The following UQCC1 variants were observed in gnomAD, a reference collection of about 807,000 sequenced individuals.
The protein encoded by UQCC1 is bFGF-repressed Zic-binding protein.
A neutral mutation model predicts 48.0 loss-of-function variants in UQCC1; 38 were observed. That is an observed-to-expected ratio of 0.79 (90% confidence interval 0.61 to 1.04). The LOEUF is 1.04. UQCC1 is among the 50% of genes least tolerant of loss of function. The pLI is 0.00. For missense variants in UQCC1, 368 were observed against 381.8 expected (o/e 0.96, Z 0.30); for synonymous variants, 111 against 129.2 (o/e 0.86, Z 0.95).
At position 35,302,763 on chromosome 20, in the gene UQCC1, A is replaced by G. The variant is rs891480753; in HGVS notation, c.*1172T>C. On this transcript the variant is annotated 3_prime_UTR_variant, in exon 10 of 10. Coordinates refer to ENST00000374385, the MANE Select transcript of UQCC1 (RefSeq NM_018244.5). ...GCTTCACTCTAGAGCTCCGCTCGCA[A>G]CAAAAGCATCTTAAATAAACTGAGA... The G allele has an allele frequency of 6.6e-6, 1 of 152,266 alleles. No individual in the cohort carries two copies. Among genetic ancestry groups the G allele is most frequent in the Non-Finnish European group, 1.5e-5 (1 of 68,042 alleles). The allele number at this position is 152,266 out of a possible 1,614,324, so 9.4% of individuals were successfully genotyped here. A position where few individuals can be genotyped will look rare whatever the true frequency, so the allele number is the denominator to read the frequency against.
At chr20:35,361,046 G>T (rs1426440088) in intron 6 of UQCC1, among the ~76,000 whole-genome samples, 1 of 152,026 alleles carries the variant, frequency 6.6e-6, no homozygotes, top group African/African-American at 2.4e-5. Context: ...GAGAGAATTG[G>T]ACTAGATCTG....
At chr20:35,309,224 G>T in intron 8 of UQCC1, 1 of 455,080 alleles carries the variant, frequency 2.2e-6, no homozygotes, top group South Asian at 1.6e-5. Context: ...CTTGAGCCCA[G>T]GAGTTCAAGA....
intron 7 of UQCC1, among the ~76,000 whole-genome samples, chr20:35,326,388 C>T (rs2061194143): frequency 6.6e-6 from 1 of 152,242 alleles, no homozygotes; most frequent in Admixed American, 6.5e-5. Context: ...GTGCCAAGCG[C>T]AGACAACCAG....
chr20:35,386,063 A>C (rs2061939090), intron 2 of UQCC1, among the ~76,000 whole-genome samples: 1 of 152,128 alleles, frequency 6.6e-6, no homozygotes, highest in Admixed American at 6.5e-5. Flanking sequence ...TGTTAACAAC[A>C]TGAAAAATGT....
At chr20:35,338,544 T>C (rs906601323) in intron 7 of UQCC1, among the ~76,000 whole-genome samples, 1 of 151,726 alleles carries the variant, frequency 6.6e-6, no homozygotes, top group Admixed American at 6.6e-5. Flanking sequence ...TAACCAGAAA[T>C]ATGTATTAGA....
At chr20:35,344,399 A>G (rs1362862148) in intron 7 of UQCC1, 3 of 152,408 alleles carry the variant, frequency 2.0e-5, no homozygotes, top group Admixed American at 6.5e-5. Context: ...TATTCAGGAT[A>G]GAGACAGCTG....
rs544010504 is a variant in UQCC1 at position 35,329,135 on chromosome 20, C to T, written c.574-14370G>A. On this transcript the variant is annotated intron_variant, in intron 7 of 9. Coordinates refer to ENST00000374385, the MANE Select transcript of UQCC1 (RefSeq NM_018244.5). ...TTCAGCACTACCCAGGCATCAAGCA[C>T]TGTTTTAGGAGCTGAGGCTACAGCA... 5.3e-5 allele frequency among the ~76,000 whole-genome samples: 8 copies of T among 152,340 alleles called. No individual in the cohort carries two copies. The South Asian group carries it at 1.4e-3, about 28-fold the overall frequency.
chr20:35,378,447 T>G (rs2061828226), intron 4 of UQCC1, among the ~76,000 whole-genome samples: 1 of 152,012 alleles, frequency 6.6e-6, no homozygotes, highest in Admixed American at 6.5e-5. Context: ...GTGGCCAGTA[T>G]GATGAAACCT....
chr20:35,390,903 C>T (rs1323498286), intron 2 of UQCC1, among the ~76,000 whole-genome samples: 1 of 151,932 alleles, frequency 6.6e-6, no homozygotes, highest in Non-Finnish European at 1.5e-5. Flanking sequence ...TTAGAAAGGC[C>T]GGGCTTTCTA....
At chr20:35,363,028 T>TAAAAAAAAAA (rs60988214) in intron 6 of UQCC1, among the ~76,000 whole-genome samples, 1 of 80,642 alleles carries the variant, frequency 1.2e-5, no homozygotes. Context: ...TCCTTAAAAC[T>TAAAAAAAAAA]AAAAAAAAAA....
In UQCC1 at chr20:35,342,191, CTGA is replaced by C. The variant is rs2061387939; in HGVS notation, c.573+4970_573+4972del. The stretch of plus-strand genomic sequence containing the variant: ...GAGGCAACAGGCATGCCAGGGACCG[CTGA>C]TAAGGGTAAACTGTAATTTCTCAAC... On this transcript the variant is annotated intron_variant, in intron 7 of 9. Coordinates refer to ENST00000374385, the MANE Select transcript of UQCC1 (RefSeq NM_018244.5). 2.6e-5 allele frequency among the ~76,000 whole-genome samples: 4 copies of C among 152,280 alleles called. No homozygotes were observed. The South Asian group carries it at 8.3e-4, about 32-fold the overall frequency.
intron 2 of UQCC1, among the ~76,000 whole-genome samples, chr20:35,390,647 T>C (rs2062003123): frequency 6.6e-6 from 1 of 151,766 alleles, no homozygotes; most frequent in Non-Finnish European, 1.5e-5. Flanking sequence ...ACTGCTAAAA[T>C]TAGTAAGCAA....
chr20:35,360,318 G>A (rs2061592238), intron 6 of UQCC1, among the ~76,000 whole-genome samples: 1 of 152,116 alleles, frequency 6.6e-6, no homozygotes, highest in South Asian at 2.1e-4. Flanking sequence ...AAGTGCTGTG[G>A]TGGTTTTAAA....
intron 1 of UQCC1, among the ~76,000 whole-genome samples, chr20:35,411,548 T>C (rs2062364503): frequency 6.6e-6 from 1 of 151,978 alleles, no homozygotes; most frequent in South Asian, 2.1e-4. Flanking sequence ...TCACATAGGG[T>C]CAATGAGGCC....
intron 8 of UQCC1, among the ~76,000 whole-genome samples, chr20:35,314,351 GA>G (rs1287495558): frequency 6.6e-6 from 1 of 151,662 alleles, no homozygotes; most frequent in Non-Finnish European, 1.5e-5. Flanking sequence ...CTGTTTACGT[GA>G]ATATCCTCCT....
intron 7 of UQCC1, among the ~76,000 whole-genome samples, chr20:35,320,376 T>C (rs1241093939): frequency 6.6e-6 from 1 of 152,118 alleles, no homozygotes; most frequent in Non-Finnish European, 1.5e-5. Context: ...AATCTGATGT[T>C]TGGGAAAGTT....
intron 1 of UQCC1, among the ~76,000 whole-genome samples, chr20:35,400,083 G>A (rs1182316555): frequency 6.6e-6 from 1 of 151,734 alleles, no homozygotes; most frequent in African/African-American, 2.4e-5. Flanking sequence ...GCGCTACCAC[G>A]CCCAGCTAAT....
intron 5 of UQCC1, among the ~76,000 whole-genome samples, chr20:35,372,350 T>C (rs141696015): frequency 6.6e-6 from 1 of 151,900 alleles, no homozygotes. Flanking sequence ...TTTCTAATAT[T>C]AATAGCTTCA....
At chr20:35,357,544 G>C (rs2061558911) in intron 6 of UQCC1, among the ~76,000 whole-genome samples, 1 of 151,732 alleles carries the variant, frequency 6.6e-6, no homozygotes, top group South Asian at 2.1e-4. Context: ...GGGCACGGTG[G>C]TGCATGACTG....
Sources: allele counts gnomAD v4.1 joint callset (sites outside exome capture counted in the v4.1 genomes callset), GRCh38; gene constraint gnomAD v4.1.1; transcripts MANE v1.5; gene names NCBI Gene and HGNC (gene_info 2026-07-23, HGNC 2026-07-21).